The following TPM4 variants were observed in gnomAD, a reference collection of about 807,000 sequenced individuals.
TPM4 encodes the protein tropomyosin 4.
Under a neutral mutation model 35.8 loss-of-function variants are expected in TPM4, and 17 were observed. The ratio of observed to expected loss-of-function variants is 0.47; its 90% CI spans 0.32 to 0.71. The LOEUF is 0.71. Among genes scored for constraint, TPM4 ranks in the 30% least tolerant of loss-of-function variants. The pLI, the probability that TPM4 is intolerant of heterozygous loss-of-function variation, is 0.03. For missense variants in TPM4, 240 were observed against 320.9 expected, an observed-to-expected ratio of 0.75 and a Z score of 1.93; for synonymous variants, 120 against 122.9, an observed-to-expected ratio of 0.98 and a Z score of 0.15.
chr19:16,095,638 A>T (rs1404370362), intron 7 of TPM4: 1 of 993,632 alleles, frequency 1.0e-6, no homozygotes, highest in African/African-American at 1.7e-5. Context: ...CTTATTACAA[A>T]AAGAAAATTA....
intron 7 of TPM4, among the ~76,000 whole-genome samples, chr19:16,094,625 G>A (rs2090671901): frequency 6.6e-6 from 1 of 150,742 alleles, no homozygotes; most frequent in African/African-American, 2.4e-5. Context: ...CATTTTTGCA[G>A]AAGCTCTGTC....
intron 2 of TPM4, among the ~76,000 whole-genome samples, chr19:16,083,862 G>A (rs1275905296): frequency 6.7e-6 from 1 of 150,244 alleles, no homozygotes; most frequent in Non-Finnish European, 1.5e-5. Context: ...GGGCTCAAGC[G>A]ATCCTCCCGC....
In TPM4 at chr19:16,076,609, A is replaced by T; in HGVS notation, c.44A>T (p.Gln15Leu). The T allele has an allele frequency of 6.8e-7, 1 of 1,467,446 alleles. No individual in the cohort carries two copies. The highest frequency in any genetic ancestry group is 9.0e-7 in the Non-Finnish European group (1 of 1,116,066). 90.9% of individuals were successfully genotyped at this position (1,467,446 alleles called of 1,614,324 possible). Reference protein sequence around the residue: ...NSLEAVKRKIQALQQQADEAE... With the variant: ...NSLEAVKRKILALQQQADEAE... Reference sequence around the variant, plus strand: ...CTGGAGGCGGTGAAACGCAAGATCCAGGCCCTGCAGCAGCAGGCGGACGAG... The same window carrying T: ...CTGGAGGCGGTGAAACGCAAGATCCTGGCCCTGCAGCAGCAGGCGGACGAG... Residue 15 changes from glutamine (Q) to leucine (L), a missense_variant, in exon 1 of 8, where the codon CAG becomes CTG. Gln to Leu is a moderately radical substitution (Grantham distance 113, BLOSUM62 -2). Coordinates refer to ENST00000643579, the MANE Select transcript of TPM4 (RefSeq NM_003290.3).
chr19:16,088,527 C>A (rs2090587442), intron 4 of TPM4: 2 of 1,051,038 alleles, frequency 1.9e-6, no homozygotes, highest in Non-Finnish European at 2.3e-6. Flanking sequence ...AGAAGCTTAA[C>A]CAGAATCCCA....
chr19:16,099,084 G>GTGTGTT (rs1370103916), intron 7 of TPM4, among the ~76,000 whole-genome samples: 2 of 151,610 alleles, frequency 1.3e-5, no homozygotes, highest in Non-Finnish European at 2.9e-5. Context: ...GTGTGTGTGT[G>GTGTGTT]TGTGTGTGTG....
chr19:16,093,088 C>T (rs989799871), intron 5 of TPM4: 1 of 167,298 alleles, frequency 6.0e-6, no homozygotes, highest in Non-Finnish European at 1.3e-5. Flanking sequence ...TTCCTGGGCT[C>T]AAGTAATTCT....
chr19:16,091,831 C>T (rs565702197), intron 5 of TPM4, among the ~76,000 whole-genome samples: 123 of 152,270 alleles, frequency 8.1e-4, no homozygotes, highest in African/African-American at 2.5e-3. Flanking sequence ...TGACCCTTTC[C>T]TCCCCTATAA....
At position 16,091,581 on chromosome 19, in the gene TPM4, C is replaced by A. The variant is rs559337760; in HGVS notation, c.532-1955C>A. On this transcript the variant is annotated intron_variant, in intron 5 of 7. Coordinates refer to ENST00000643579, the MANE Select transcript of TPM4 (RefSeq NM_003290.3). ...CTTGAGCTCAGAAGTTCGAGACCAG[C>A]CTGGGCAACATGGAGAGATCCCGTC... Among the ~76,000 whole-genome samples the A allele has an allele frequency of 5.3e-5, 8 of 152,248 alleles. No individual in the cohort carries two copies. In the South Asian group the frequency reaches 1.7e-3, roughly 32 times the overall value.
chr19:16,080,168 G>T (rs2090466001), intron 1 of TPM4: 1 of 197,880 alleles, frequency 5.1e-6, no homozygotes, highest in East Asian at 7.9e-5. Flanking sequence ...TTGCCTCGTA[G>T]CCCTGGCAGG....
chr19:16,090,433 TG>T (rs2090612204), intron 5 of TPM4, among the ~76,000 whole-genome samples: 1 of 151,612 alleles, frequency 6.6e-6, no homozygotes, highest in Non-Finnish European at 1.5e-5. Context: ...TTCTAGTTTT[TG>T]GTAGAGACAA....
At chr19:16,080,938 T>C (rs2090474943) in intron 1 of TPM4, 2 of 398,312 alleles carry the variant, frequency 5.0e-6, no homozygotes, top group East Asian at 7.1e-5. Flanking sequence ...GAAAAGCCAA[T>C]AACACTATTG....
At chr19:16,087,898 CACCAGAAAA>C in intron 3 of TPM4, 120 bp from the exon 4 acceptor site, 1 of 966,080 alleles carries the variant, frequency 1.0e-6, no homozygotes, top group South Asian at 1.4e-5. Flanking sequence ...AAAAAAGAAA[CACCAGAAAA>C]ACCCATGTTG....
chr19:16,077,717 C>G (rs1187480668), intron 1 of TPM4, among the ~76,000 whole-genome samples: 1 of 151,912 alleles, frequency 6.6e-6, no homozygotes, highest in Non-Finnish European at 1.5e-5. Context: ...GAGTAAATCT[C>G]AGGCGTGGAG....
rs35095689 is a variant in TPM4, at chr19:16,093,952, C to CTTT, written c.664+219_664+221dup. Among the ~76,000 whole-genome samples, 336 of 108,774 alleles carry CTTT rather than the reference C, an allele frequency of 3.1e-3. 13 individuals carry two copies. The highest frequency in any genetic ancestry group is 4.4e-3 in the Non-Finnish European group (243 of 55,348). The allele number at this position is 108,774 out of a possible 152,430, so 71.4% of individuals were successfully genotyped here. A position where few individuals can be genotyped will look rare whatever the true frequency, so the allele number is the denominator to read the frequency against. ...GCAAAGCATTCAGGCTTGAATGGCC[C>CTTT]TTTTTTTTTTTTTTTTTTTTTTCTA... On this transcript the variant is annotated intron_variant, in intron 7 of 7. Transcript: ENST00000643579.
intron 7 of TPM4, chr19:16,099,899 G>A (rs1438934501): frequency 1.3e-5 from 2 of 152,032 alleles, no homozygotes; most frequent in African/African-American, 2.4e-5. Context: ...GTTTGTCTCC[G>A]TTCTCCTGGA....
intron 5 of TPM4, among the ~76,000 whole-genome samples, chr19:16,090,824 A>AT (rs1017045831): frequency 0.094 from 11,563 of 123,352 alleles, 733 homozygotes; most frequent in African/African-American, 0.14. Context: ...TGTGTGTGTA[A>AT]TTTTTTTTTT....
At chr19:16,069,081 G>A (rs1228877311) in intron 2 of TPM4, among the ~76,000 whole-genome samples, 1 of 152,154 alleles carries the variant, frequency 6.6e-6, no homozygotes, top group African/African-American at 2.4e-5. Flanking sequence ...GAAAGTACAT[G>A]TTGATGTGGC....
chr19:16,090,667 C>T (rs1314106701), intron 5 of TPM4, among the ~76,000 whole-genome samples: 1 of 152,112 alleles, frequency 6.6e-6, no homozygotes, highest in Non-Finnish European at 1.5e-5. Flanking sequence ...CTTTTGCTGG[C>T]ATTATGATTT....
In TPM4 at chr19:16,088,033, C is replaced by G; in HGVS notation, c.391C>G (p.Arg131Gly). The change falls in exon 4 of 8, where the codon CGT becomes GGT. Residue 131 changes from arginine (R) to glycine (G), a missense_variant. Transcript: ENST00000643579. Reference protein sequence around the residue: ...EADRKYEEVARKLVILEGELE... With the variant: ...EADRKYEEVAGKLVILEGELE... ...GGCCTTTCTGTCTCTGCAGGTAGCT[C>G]GTAAGCTGGTCATCCTGGAGGGTGA... 6.2e-7 allele frequency: 1 copy of G among 1,611,004 alleles called. No individual in the cohort carries two copies. The highest frequency in any genetic ancestry group is 8.5e-7 in the Non-Finnish European group (1 of 1,179,152).
Sources: allele counts gnomAD v4.1 joint callset (sites outside exome capture counted in the v4.1 genomes callset), GRCh38; gene constraint gnomAD v4.1.1; transcripts MANE v1.5; gene names NCBI Gene and HGNC (gene_info 2026-07-23, HGNC 2026-07-21).